The following LSAMP variants were observed in gnomAD, a reference collection of about 807,000 sequenced individuals.
LSAMP encodes the protein limbic system associated membrane protein, also known as limbic system-associated membrane protein.
A neutral mutation model predicts 38.6 loss-of-function variants in LSAMP; 7 were observed. That is an observed-to-expected ratio of 0.18 (90% CI 0.10 to 0.34). LSAMP has a LOEUF of 0.34. LSAMP is among the 10% of genes least tolerant of loss of function. The probability of loss-of-function intolerance (pLI) is 1.00; values close to 1 mark genes in which losing one functional copy is unlikely to be tolerated. For synonymous variants in LSAMP, 154 were observed against 166.8 expected (o/e 0.92, Z 0.59); for missense variants, 313 against 420.0 (o/e 0.75, Z 2.23).
intron 1 of LSAMP, among the ~76,000 whole-genome samples, chr3:116,266,299 GT>G (rs2046891223): frequency 6.6e-6 from 1 of 152,124 alleles, no homozygotes; most frequent in African/African-American, 2.4e-5. Context: ...CAAGACATGG[GT>G]TCCTATTCTA....
intron 6 of LSAMP, among the ~76,000 whole-genome samples, chr3:115,818,790 T>TTACATATATATATATATA (rs1934118325): frequency 1.4e-5 from 1 of 69,786 alleles, no homozygotes; most frequent in Non-Finnish European, 3.0e-5. Context: ...AGTTGTACTT[T>TTACATATATATATATATA]TATATATATA....
At chr3:116,163,450 C>T (rs12494524) in intron 1 of LSAMP, among the ~76,000 whole-genome samples, 71,764 of 149,378 alleles carry the variant, frequency 0.48, 19,453 homozygotes, top group East Asian at 0.73. Flanking sequence ...GTATATGTGC[C>T]ACATTTTCTT....
intron 3 of LSAMP, among the ~76,000 whole-genome samples, chr3:115,863,764 G>T (rs762852443): frequency 3.3e-5 from 5 of 151,738 alleles, no homozygotes; most frequent in Non-Finnish European, 7.4e-5. Context: ...TATTTTCAAA[G>T]AAAACTGAAT....
intron 1 of LSAMP, among the ~76,000 whole-genome samples, chr3:116,171,468 C>T (rs1710196300): frequency 6.6e-6 from 1 of 152,000 alleles, no homozygotes; most frequent in African/African-American, 2.4e-5. Context: ...ATCTTAATAC[C>T]ATCATCATGT....
chr3:115,909,116 T>C (rs1483536342), intron 3 of LSAMP, among the ~76,000 whole-genome samples: 1 of 152,186 alleles, frequency 6.6e-6, no homozygotes. Context: ...TCAATATCTG[T>C]CTAGGGCTGG....
intron 3 of LSAMP, among the ~76,000 whole-genome samples, chr3:115,942,422 G>A (rs866173735): frequency 5.9e-5 from 9 of 152,114 alleles, no homozygotes; most frequent in South Asian, 2.1e-4. Context: ...AGACTGTGAT[G>A]ACTGGGTCAG....
intron 2 of LSAMP, among the ~76,000 whole-genome samples, chr3:116,055,864 A>C (rs1445208933): frequency 6.6e-6 from 1 of 152,194 alleles, no homozygotes; most frequent in Non-Finnish European, 1.5e-5. Flanking sequence ...GTGGGTTCTA[A>C]AATTCTGCCT....
chr3:116,073,508 A>C (rs1306954644), intron 2 of LSAMP, among the ~76,000 whole-genome samples: 1 of 152,198 alleles, frequency 6.6e-6, no homozygotes, highest in Non-Finnish European at 1.5e-5. Flanking sequence ...TACTTTGGGC[A>C]GTGTGGCCAT....
At chr3:116,048,505 T>C (rs936188733) in intron 2 of LSAMP, among the ~76,000 whole-genome samples, 2 of 152,212 alleles carry the variant, frequency 1.3e-5, no homozygotes, top group Non-Finnish European at 2.9e-5. Context: ...CTATGGACTA[T>C]ACATTTGGAC....
chr3:115,844,170 T>G (rs979895616), intron 4 of LSAMP, among the ~76,000 whole-genome samples: 1 of 152,220 alleles, frequency 6.6e-6, no homozygotes, highest in African/African-American at 2.4e-5. Flanking sequence ...CCAATTCTAG[T>G]TAAAACTGCT....
Position 115,884,923 on chromosome 3 carries a change from A to G in LSAMP, c.515-32306T>C, listed in dbSNP as rs1432274514. Reference sequence around the variant, plus strand: ...TGTGGAGTGTAAGGAAGCACTCTTCAAAGGTCAGGCAAATTGATTTTGAAA... The same window carrying G: ...TGTGGAGTGTAAGGAAGCACTCTTCGAAGGTCAGGCAAATTGATTTTGAAA... On this transcript the variant is annotated intron_variant, in intron 3 of 6. Coordinates refer to ENST00000490035, the MANE Select transcript of LSAMP (RefSeq NM_002338.5). Among the ~76,000 whole-genome samples the G allele has an allele frequency of 2.0e-5, 3 of 152,046 alleles. No homozygotes were observed. The East Asian group carries it at 5.8e-4, about 29-fold the overall frequency.
rs541602971 is a variant in LSAMP at position 116,172,394 on chromosome 3, G to A, written c.156-85838C>T. Among the ~76,000 whole-genome samples the A allele has an allele frequency of 7.4e-5, 11 of 147,914 alleles. No homozygotes were observed. The East Asian group carries it at 9.8e-4, about 13-fold the overall frequency. The stretch of plus-strand genomic sequence containing the variant: ...TTGAAAGCTGTTAAGTTCTTTTACC[G>A]TAATTGTCAGTGTCTCTTACTTCTT... On this transcript the variant is annotated intron_variant, in intron 1 of 6. Coordinates refer to ENST00000490035, the MANE Select transcript of LSAMP (RefSeq NM_002338.5).
At chr3:115,940,323 G>GGGTCCACTTTACAGAGCACTGATT (rs1937871433) in intron 3 of LSAMP, among the ~76,000 whole-genome samples, 1 of 151,206 alleles carries the variant, frequency 6.6e-6, no homozygotes, top group African/African-American at 2.4e-5. Flanking sequence ...TCCTACTGAT[G>GGGTCCACTTTACAGAGCACTGATT]GGTCCATTTT....
intron 1 of LSAMP, among the ~76,000 whole-genome samples, chr3:116,392,443 A>G (rs998756414): frequency 6.6e-6 from 1 of 152,166 alleles, no homozygotes; most frequent in Non-Finnish European, 1.5e-5. Context: ...GGGTGCACAC[A>G]CTCACGGCAA....
chr3:115,912,582 C>T (rs991323437), intron 3 of LSAMP, among the ~76,000 whole-genome samples: 7 of 152,192 alleles, frequency 4.6e-5, no homozygotes, highest in Non-Finnish European at 7.3e-5. Flanking sequence ...TACTGTGTTG[C>T]GTCATTGCAG....
At chr3:116,168,758 AGGAGCTATTAT>A (rs1181168131) in intron 1 of LSAMP, among the ~76,000 whole-genome samples, 1 of 152,248 alleles carries the variant, frequency 6.6e-6, no homozygotes, top group Non-Finnish European at 1.5e-5. Flanking sequence ...GGATAAATCA[AGGAGCTATTAT>A]GGATTAGATA....
chr3:116,438,349 C>A (rs952371529), intron 1 of LSAMP, among the ~76,000 whole-genome samples: 1 of 152,068 alleles, frequency 6.6e-6, no homozygotes, highest in Non-Finnish European at 1.5e-5. Flanking sequence ...ATCATTTGAT[C>A]ATAAAAATAG....
At chr3:115,904,245 G>T (rs941413905) in intron 3 of LSAMP, among the ~76,000 whole-genome samples, 1 of 151,802 alleles carries the variant, frequency 6.6e-6, no homozygotes, top group Non-Finnish European at 1.5e-5. Flanking sequence ...ATTATTTATT[G>T]GAAAATTAAA....
rs1446481677 is a variant in LSAMP, at chr3:115,956,542, T to C, written c.514+62973A>G. Among the ~76,000 whole-genome samples the C allele has an allele frequency of 3.9e-5, 6 of 152,130 alleles. No homozygotes were observed. The East Asian group carries it at 9.6e-4, about 24-fold the overall frequency. On this transcript the variant is annotated intron_variant, in intron 3 of 6. Coordinates refer to ENST00000490035, the MANE Select transcript of LSAMP (RefSeq NM_002338.5). The stretch of plus-strand genomic sequence containing the variant: ...CCACCTCTATTCTTAGTTCAGACTA[T>C]TCTTTGGTAGAAGATACTCATGTTT...
Sources: allele counts gnomAD v4.1 joint callset (sites outside exome capture counted in the v4.1 genomes callset), GRCh38; gene constraint gnomAD v4.1.1; transcripts MANE v1.5; gene names NCBI Gene and HGNC (gene_info 2026-07-23, HGNC 2026-07-21).